The following SETD5 variants were observed in gnomAD, a reference collection of about 807,000 sequenced individuals.
SETD5 encodes the protein histone-lysine N-methyltransferase SETD5.
A neutral mutation model predicts 153.3 loss-of-function variants in SETD5; 44 were observed. That is an observed-to-expected ratio of 0.29 (90% CI 0.23 to 0.37). SETD5 has a LOEUF of 0.37. SETD5 is among the 10% of genes least tolerant of loss of function. The pLI is 1.00. For synonymous variants in SETD5, 716 were observed against 645.2 expected, an observed-to-expected ratio of 1.11 and a Z score of -1.66; for missense variants, 1,544 against 1,768.0, an observed-to-expected ratio of 0.87 and a Z score of 2.27.
chr3:9,463,879 A>G (rs190208660), intron 17 of SETD5, among the ~76,000 whole-genome samples: 10 of 152,318 alleles, frequency 6.6e-5, no homozygotes, highest in Admixed American at 5.2e-4. Flanking sequence ...TGTAATCCCA[A>G]CACTTGGGGC....
intron 1 of SETD5, among the ~76,000 whole-genome samples, chr3:9,400,436 C>G (rs1416114266): frequency 6.6e-6 from 1 of 152,188 alleles, no homozygotes; most frequent in African/African-American, 2.4e-5. Context: ...TCCTCCATCT[C>G]TTTAATCATA....
At chr3:9,403,185 A>G (rs989383771) in intron 1 of SETD5, among the ~76,000 whole-genome samples, 8 of 152,136 alleles carry the variant, frequency 5.3e-5, no homozygotes, top group Non-Finnish European at 2.9e-5. Flanking sequence ...ATTTTTGCCA[A>G]CCACATACTA....
At position 9,448,402 on chromosome 3, in the gene SETD5, A is replaced by G. The variant is rs372906360; in HGVS notation, c.2118A>G (p.Glu706=). ...TTTTACCTTAGTATCTAGTTACAGA[A>G]TGGTTGAATGACAAAGCAGAGAAGC... ...YPKTKKYLVT[E]WLNDKAEKQE... is the part of the protein sequence containing the mutation. Residue 706 remains glutamate (E), a synonymous_variant, in exon 16 of 23, where the codon GAA becomes GAG. Transcript: ENST00000402198. 1.2e-6 allele frequency: 2 copies of G among 1,613,724 alleles called. No individual in the cohort carries two copies. The highest frequency in any genetic ancestry group is 1.3e-5 in the African/African-American group (1 of 74,888).
chr3:9,430,008 G>T (rs2039777253), intron 3 of SETD5: 2 of 1,197,728 alleles, frequency 1.7e-6, no homozygotes, highest in Non-Finnish European at 2.1e-6. Flanking sequence ...AATATGTTCA[G>T]GTCCAGTTCA....
At chr3:9,463,310 C>T (rs1170749595) in intron 17 of SETD5, among the ~76,000 whole-genome samples, 1 of 152,210 alleles carries the variant, frequency 6.6e-6, no homozygotes, top group Non-Finnish European at 1.5e-5. Context: ...GCATGAGCCA[C>T]CACACCTGGC....
chr3:9,472,437 T>C (rs1307266066), intron 19 of SETD5, among the ~76,000 whole-genome samples: 1 of 151,882 alleles, frequency 6.6e-6, no homozygotes, highest in Non-Finnish European at 1.5e-5. Context: ...GGATGGGAGG[T>C]CTGCTGTCAG....
chr3:9,467,206 A>G (rs2044699540), intron 18 of SETD5, among the ~76,000 whole-genome samples: 1 of 146,844 alleles, frequency 6.8e-6, no homozygotes, highest in Non-Finnish European at 1.5e-5. Context: ...TCTCAAAAAA[A>G]AAAAAAAAAA....
intron 13 of SETD5, 26 bp downstream of exon 13, chr3:9,445,766 C>T (rs769141225): frequency 6.5e-7 from 1 of 1,542,938 alleles, no homozygotes; most frequent in South Asian, 1.2e-5. Flanking sequence ...CATTACTTTG[C>T]TCCTTCTCAT....
Position 9,475,971 on chromosome 3 carries a change from C to T in SETD5, c.4209C>T (p.Ser1403=), listed in dbSNP as rs777847673. The change falls in exon 23 of 23, where the codon TCC becomes TCT. Residue 1403 remains serine, a synonymous_variant. Transcript: ENST00000402198. The stretch of plus-strand genomic sequence containing the variant: ...GGCAGTCAGCTGTCTACCAGGCCTC[C>T]AGGGTATCTGCGGTTTCCAATTCAC... ...SAGQSAVYQA[S]RVSAVSNSQH... is the part of the protein sequence containing the mutation. 18 of 1,613,930 alleles carry T rather than the reference C, an allele frequency of 1.1e-5. No individual in the cohort carries two copies. In the East Asian group the frequency reaches 3.8e-4, roughly 34 times the overall value.
chr3:9,413,272 C>T (rs1029555624), intron 1 of SETD5, among the ~76,000 whole-genome samples: 5 of 152,046 alleles, frequency 3.3e-5, no homozygotes, highest in Non-Finnish European at 7.4e-5. Flanking sequence ...ATAAAGAAGT[C>T]TATACAGATT....
chr3:9,413,647 G>A (rs937168578), intron 1 of SETD5, among the ~76,000 whole-genome samples: 1 of 87,756 alleles, frequency 1.1e-5, no homozygotes, highest in Non-Finnish European at 2.5e-5. Context: ...GGGGGGAGGC[G>A]GGGTGTGTGT....
At position 9,415,270 on chromosome 3, in the gene SETD5, T is replaced by C. The variant is rs193031878; in HGVS notation, c.-176-9197T>C. Among the ~76,000 whole-genome samples, 150 of 152,348 alleles carry C rather than the reference T, an allele frequency of 9.8e-4. 4 individuals carry two copies. Among genetic ancestry groups the C allele is most frequent in the African/African-American group, 6.5e-4 (27 of 41,584 alleles). ...GGCCCAAATACAGTTGAAATGTTCA[T>C]TGAAACTGGATCAAAGATGAGCATA... On this transcript the variant is annotated intron_variant, in intron 1 of 22. Coordinates refer to ENST00000402198, the MANE Select transcript of SETD5 (RefSeq NM_001080517.3).
At chr3:9,446,682 G>T (rs1449283144) in intron 13 of SETD5, among the ~76,000 whole-genome samples, 2 of 151,836 alleles carry the variant, frequency 1.3e-5, no homozygotes, top group Non-Finnish European at 1.5e-5. Flanking sequence ...TAGTAGAGAC[G>T]GAGTTTCACC....
chr3:9,466,994 A>G lies in SETD5; in HGVS notation c.2724+2322A>G, dbSNP rs541944176. ...CAGTGAGCCATTATTGTGCCACTAC[A>G]TGCCAGCCTGGGCAACAGTGAGATC... On this transcript the variant is annotated intron_variant, in intron 18 of 22. Coordinates refer to ENST00000402198, the MANE Select transcript of SETD5 (RefSeq NM_001080517.3). Among the ~76,000 whole-genome samples, 17 of 152,228 alleles carry G rather than the reference A, an allele frequency of 1.1e-4. No individual in the cohort carries two copies. In the South Asian group the frequency reaches 2.1e-3, roughly 19 times the overall value.
chr3:9,427,190 AT>A (rs1421377930), intron 2 of SETD5, among the ~76,000 whole-genome samples: 1 of 151,950 alleles, frequency 6.6e-6, no homozygotes, highest in Non-Finnish European at 1.5e-5. Context: ...CCAGCCCACA[AT>A]TTTTTTTATT....
chr3:9,461,436 G>A (rs1228265973), intron 17 of SETD5, among the ~76,000 whole-genome samples: 1 of 152,090 alleles, frequency 6.6e-6, no homozygotes, highest in African/African-American at 2.4e-5. Flanking sequence ...CAGGATATTA[G>A]CATGCGTTTA....
intron 1 of SETD5, among the ~76,000 whole-genome samples, chr3:9,423,017 G>A (rs559104999): frequency 6.6e-6 from 1 of 152,208 alleles, no homozygotes; most frequent in Non-Finnish European, 1.5e-5. Flanking sequence ...AATTTCTTTC[G>A]TTGGATTGGT....
At chr3:9,469,627 CG>C (rs2045060798) in intron 18 of SETD5, among the ~76,000 whole-genome samples, 1 of 152,096 alleles carries the variant, frequency 6.6e-6, no homozygotes, top group Non-Finnish European at 1.5e-5. Context: ...TCTAAGATAA[CG>C]TAATTTGAAG....
chr3:9,445,779 C>T (rs759227459), intron 13 of SETD5, 39 bp downstream of exon 13: 1 of 1,432,682 alleles, frequency 7.0e-7, no homozygotes, highest in East Asian at 2.3e-5. Flanking sequence ...CTTCTCATTC[C>T]TGCTACCTCC....
Sources: allele counts gnomAD v4.1 joint callset (sites outside exome capture counted in the v4.1 genomes callset), GRCh38; gene constraint gnomAD v4.1.1; transcripts MANE v1.5; gene names NCBI Gene and HGNC (gene_info 2026-07-23, HGNC 2026-07-21).